The following PRKD1 variants were observed in gnomAD, a reference collection of about 807,000 sequenced individuals.
PRKD1 encodes serine/threonine-protein kinase D1.
PRKD1 carries 63 observed loss-of-function variants against 95.9 expected under a neutral mutation model. The observed-to-expected ratio is 0.66, with a 90% CI of 0.54 to 0.81. The LOEUF is 0.81. Among genes scored for constraint, PRKD1 ranks in the 30% least tolerant of loss-of-function variants. PRKD1 has a pLI of 0.00. For missense variants in PRKD1, 1,048 were observed against 1,165.3 expected (o/e 0.90, Z 1.47); for synonymous variants, 425 against 423.1 (o/e 1.00, Z -0.05).
chr14:29,755,875 G>A (rs888992145), intron 1 of PRKD1, among the ~76,000 whole-genome samples: 3 of 152,120 alleles, frequency 2.0e-5, no homozygotes, highest in African/African-American at 7.2e-5. Flanking sequence ...TGAACAACCA[G>A]CTTTCTCTTT....
At chr14:29,821,171 A>AT (rs1342561023) in intron 1 of PRKD1, among the ~76,000 whole-genome samples, 1 of 152,186 alleles carries the variant, frequency 6.6e-6, no homozygotes, top group Non-Finnish European at 1.5e-5. Context: ...TTCACAATAG[A>AT]TTTTAGGGTA....
chr14:29,770,492 A>G (rs550983652), intron 1 of PRKD1, among the ~76,000 whole-genome samples: 1 of 152,350 alleles, frequency 6.6e-6, no homozygotes, highest in East Asian at 1.9e-4. Context: ...AGGCAGAAAT[A>G]CAGACGGTAA....
intron 4 of PRKD1, among the ~76,000 whole-genome samples, chr14:29,639,456 T>C (rs1880612300): frequency 6.6e-6 from 1 of 151,898 alleles, no homozygotes; most frequent in South Asian, 2.1e-4. Context: ...CCGTCTCTAC[T>C]AAAAATACAA....
chr14:29,606,422 C>T (rs546594524), intron 13 of PRKD1, among the ~76,000 whole-genome samples: 1 of 152,294 alleles, frequency 6.6e-6, no homozygotes, highest in Non-Finnish European at 1.5e-5. Flanking sequence ...TAAAGACAGT[C>T]TCTTTCACTT....
chr14:29,647,285 C>T (rs1881186916), intron 4 of PRKD1, among the ~76,000 whole-genome samples: 1 of 152,120 alleles, frequency 6.6e-6, no homozygotes, highest in African/African-American at 2.4e-5. Flanking sequence ...TATTGCCTCA[C>T]TATTTTCAAG....
At chr14:29,664,074 T>C (rs1031201021) in intron 3 of PRKD1, among the ~76,000 whole-genome samples, 2 of 152,204 alleles carry the variant, frequency 1.3e-5, no homozygotes, top group Non-Finnish European at 2.9e-5. Context: ...TCAGGAACTA[T>C]GCTAGGTATC....
intron 1 of PRKD1, among the ~76,000 whole-genome samples, chr14:29,799,908 C>T (rs1194336300): frequency 6.6e-6 from 1 of 152,082 alleles, no homozygotes; most frequent in Non-Finnish European, 1.5e-5. Context: ...CTATTTAATG[C>T]CACATTTTTT....
At chr14:29,658,328 G>A (rs1196695423) in intron 4 of PRKD1, among the ~76,000 whole-genome samples, 1 of 152,058 alleles carries the variant, frequency 6.6e-6, no homozygotes, top group African/African-American at 2.4e-5. Flanking sequence ...ATATTAATGC[G>A]TTTTATGAGA....
chr14:29,872,892 C>T (rs1234426259), intron 1 of PRKD1, among the ~76,000 whole-genome samples: 1 of 152,086 alleles, frequency 6.6e-6, no homozygotes, highest in African/African-American at 2.4e-5. Flanking sequence ...CACTTGATTA[C>T]ATTTTACATA....
At chr14:29,811,873 T>G (rs1441569538) in intron 1 of PRKD1, 1 of 152,190 alleles carries the variant, frequency 6.6e-6, no homozygotes. Context: ...CTCTCATCAC[T>G]GAGTAATGAA....
At chr14:29,637,079 G>T (rs952386072) in intron 6 of PRKD1, among the ~76,000 whole-genome samples, 3 of 152,178 alleles carry the variant, frequency 2.0e-5, no homozygotes, top group Non-Finnish European at 4.4e-5. Context: ...AGCCAAAGCT[G>T]GGATAGAAGT....
intron 1 of PRKD1, among the ~76,000 whole-genome samples, chr14:29,862,933 T>C (rs1439029024): frequency 6.6e-6 from 1 of 152,218 alleles, no homozygotes; most frequent in African/African-American, 2.4e-5. Flanking sequence ...AATAAATCTT[T>C]GCCCAGACCG....
intron 1 of PRKD1, among the ~76,000 whole-genome samples, chr14:29,872,503 T>G (rs1893143712): frequency 6.6e-6 from 1 of 151,726 alleles, no homozygotes; most frequent in Non-Finnish European, 1.5e-5. Context: ...AATACAAAAA[T>G]TAGCCGGGCA....
intron 1 of PRKD1, among the ~76,000 whole-genome samples, chr14:29,841,790 GTTT>G (rs1298931085): frequency 6.6e-6 from 1 of 151,626 alleles, no homozygotes; most frequent in African/African-American, 2.4e-5. Flanking sequence ...TACTGTGACT[GTTT>G]TTACTTTTTA....
At chr14:29,740,003 T>A (rs1005756730) in intron 1 of PRKD1, among the ~76,000 whole-genome samples, 3 of 152,218 alleles carry the variant, frequency 2.0e-5, no homozygotes, top group Non-Finnish European at 4.4e-5. Context: ...AATGTTCATA[T>A]CAAGCAATTA....
chr14:29,828,196 C>T (rs546031670), intron 1 of PRKD1, among the ~76,000 whole-genome samples: 8 of 152,202 alleles, frequency 5.3e-5, no homozygotes, highest in Non-Finnish European at 1.0e-4. Flanking sequence ...AATTTTGGCT[C>T]ATGGTTCTGC....
At chr14:29,756,031 G>A (rs1594487968) in intron 1 of PRKD1, among the ~76,000 whole-genome samples, 1 of 151,756 alleles carries the variant, frequency 6.6e-6, no homozygotes, top group East Asian at 1.9e-4. Context: ...TAATGAGAAA[G>A]AAATAGGAAA....
chr14:29,626,385 A>G, intron 12 of PRKD1, 99 bp downstream of exon 12: 1 of 961,944 alleles, frequency 1.0e-6, no homozygotes, highest in South Asian at 1.6e-5. Context: ...ATATATACAC[A>G]TAGGTCTTCT....
chr14:29,900,738 A>C (rs2139429217), intron 1 of PRKD1, among the ~76,000 whole-genome samples: 1 of 152,332 alleles, frequency 6.6e-6, no homozygotes, highest in East Asian at 1.9e-4. Flanking sequence ...AAAATGCTCC[A>C]CATCACTAAT....
Sources: gnomAD v4.1 joint callset for allele counts (sites outside exome capture counted in the v4.1 genomes callset) on GRCh38, gnomAD v4.1.1 for gene constraint, MANE v1.5 for transcripts, NCBI Gene and HGNC (gene_info 2026-07-23, HGNC 2026-07-21) for gene names.